Variants in PLCB1 observed in about 807,000 individuals in gnomAD.
The protein encoded by PLCB1 is 1-phosphatidylinositol 4,5-bisphosphate phosphodiesterase beta-1.
PLCB1 carries 46 observed loss-of-function variants against 161.8 expected under a neutral mutation model. The ratio of observed to expected loss-of-function variants is 0.28; its 90% confidence interval spans 0.22 to 0.36. The LOEUF (loss-of-function observed/expected upper bound fraction) is 0.36. Ranked by LOEUF, PLCB1 falls within the 10% of genes least tolerant of loss-of-function variation. The probability of loss-of-function intolerance (pLI) is 1.00; values close to 1 mark genes in which losing one functional copy is unlikely to be tolerated. For synonymous variants in PLCB1, 517 were observed against 503.7 expected (o/e 1.03, Z -0.35); for missense variants, 1,016 against 1,472.5 (o/e 0.69, Z 5.07).
At chr20:8,195,687 T>C (rs6055628) in intron 2 of PLCB1, among the ~76,000 whole-genome samples, 57,204 of 152,066 alleles carry the variant, frequency 0.38, 13,591 homozygotes, top group African/African-American at 0.68. Context: ...ATTTAATTGT[T>C]GTGACGTTAT....
chr20:8,397,313 A>T (rs1312162000), intron 3 of PLCB1, among the ~76,000 whole-genome samples: 2 of 152,004 alleles, frequency 1.3e-5, no homozygotes, highest in East Asian at 3.9e-4. Flanking sequence ...TATTAAAATT[A>T]TTTTCTATAG....
At chr20:8,218,658 G>A (rs1370474357) in intron 2 of PLCB1, among the ~76,000 whole-genome samples, 1 of 151,662 alleles carries the variant, frequency 6.6e-6, no homozygotes, top group Non-Finnish European at 1.5e-5. Flanking sequence ...TAGGCCCTTA[G>A]ACAAAATCTA....
intron 2 of PLCB1, among the ~76,000 whole-genome samples, chr20:8,264,588 T>A (rs1255487880): frequency 2.0e-5 from 3 of 152,182 alleles, no homozygotes; most frequent in Admixed American, 2.0e-4. Context: ...AGTGATGTGT[T>A]GCTCTGCAAC....
intron 2 of PLCB1, among the ~76,000 whole-genome samples, chr20:8,295,895 T>C (rs1983604347): frequency 6.6e-6 from 1 of 151,924 alleles, no homozygotes; most frequent in African/African-American, 2.4e-5. Context: ...TATTTTTTTG[T>C]AGAAATGGGG....
At chr20:8,256,137 T>A (rs1981400219) in intron 2 of PLCB1, among the ~76,000 whole-genome samples, 1 of 152,086 alleles carries the variant, frequency 6.6e-6, no homozygotes, top group South Asian at 2.1e-4. Flanking sequence ...TCAGAAATTA[T>A]CCCCCTCATT....
intron 31 of PLCB1, among the ~76,000 whole-genome samples, chr20:8,800,789 T>C (rs973832245): frequency 6.6e-6 from 1 of 152,266 alleles, no homozygotes; most frequent in Admixed American, 6.5e-5. Context: ...TCTTATTGGG[T>C]CTGTGTTTTA....
chr20:8,594,063 G>C (rs926138190), intron 3 of PLCB1, among the ~76,000 whole-genome samples: 1 of 151,900 alleles, frequency 6.6e-6, no homozygotes, highest in Non-Finnish European at 1.5e-5. Flanking sequence ...TTAATTTTTT[G>C]TTATAGACAG....
Position 8,737,063 on chromosome 20 carries a change from T to G in PLCB1, c.2079T>G (p.Val693=). ...ISGQFLSDKK[V]GTYVEVDMFG... The stretch of plus-strand genomic sequence containing the variant: ...GTCAGTTTCTTTCTGATAAGAAAGT[T>G]GGGACTTACGTGGAAGTAGATATGT... Residue 693 remains valine, a synonymous_variant, in exon 20 of 32, where the codon GTT becomes GTG. Transcript: ENST00000338037. 1 of 1,613,578 alleles carries G rather than the reference T, an allele frequency of 6.2e-7. No individual in the cohort carries two copies. Among genetic ancestry groups the G allele is most frequent in the Non-Finnish European group, 8.5e-7 (1 of 1,179,616 alleles).
At chr20:8,286,968 A>C (rs910594712) in intron 2 of PLCB1, among the ~76,000 whole-genome samples, 1 of 152,152 alleles carries the variant, frequency 6.6e-6, no homozygotes, top group African/African-American at 2.4e-5. Flanking sequence ...GTATATAGTA[A>C]GACCAGCCAA....
chr20:8,769,685 A>G (rs1165461444), intron 26 of PLCB1, among the ~76,000 whole-genome samples: 1 of 152,220 alleles, frequency 6.6e-6, no homozygotes, highest in East Asian at 1.9e-4. Context: ...AATAATTGCC[A>G]CTGAGAAATA....
At chr20:8,856,609 T>C (rs561738230) in intron 31 of PLCB1, among the ~76,000 whole-genome samples, 1 of 152,130 alleles carries the variant, frequency 6.6e-6, no homozygotes, top group Non-Finnish European at 1.5e-5. Flanking sequence ...AGAGCAAGAC[T>C]GTGTCTCAAA....
chr20:8,378,184 A>G (rs1987152200), intron 3 of PLCB1, among the ~76,000 whole-genome samples: 1 of 152,214 alleles, frequency 6.6e-6, no homozygotes, highest in Non-Finnish European at 1.5e-5. Flanking sequence ...CTAAAACAGA[A>G]TGAAATTTTG....
At chr20:8,789,727 A>G in intron 30 of PLCB1, 152 bp downstream of exon 30, 2 of 625,602 alleles carry the variant, frequency 3.2e-6, no homozygotes, top group Non-Finnish European at 2.9e-6. Context: ...GCACTCCTTA[A>G]TCAACATTTC....
At chr20:8,671,772 T>A (rs1252115984) in intron 9 of PLCB1, among the ~76,000 whole-genome samples, 1 of 152,124 alleles carries the variant, frequency 6.6e-6, no homozygotes, top group Non-Finnish European at 1.5e-5. Context: ...AGGCCAGTGT[T>A]AGGAAAGTTA....
chr20:8,133,591 T>G (rs2122994457), intron 1 of PLCB1, among the ~76,000 whole-genome samples: 1 of 152,288 alleles, frequency 6.6e-6, no homozygotes, highest in South Asian at 2.1e-4. Flanking sequence ...TTCAAATGAC[T>G]TCCCCTTCCC....
At chr20:8,653,357 T>G (rs1457378486) in intron 7 of PLCB1, 1 of 152,022 alleles carries the variant, frequency 6.6e-6, no homozygotes, top group African/African-American at 2.4e-5. Context: ...TGAATATAAA[T>G]CAGAAGCAAT....
chr20:8,389,017 G>T (rs1310896468), intron 3 of PLCB1, among the ~76,000 whole-genome samples: 1 of 151,930 alleles, frequency 6.6e-6, no homozygotes, highest in Non-Finnish European at 1.5e-5. Flanking sequence ...TTTTCTCCCT[G>T]CCCCTTACCA....
intron 2 of PLCB1, among the ~76,000 whole-genome samples, chr20:8,370,390 C>T (rs1009726464): frequency 6.6e-6 from 1 of 152,198 alleles, no homozygotes; most frequent in African/African-American, 2.4e-5. Context: ...TGTCCTCCCA[C>T]GTGAATCCGC....
chr20:8,458,918 A>C (rs1981447915), intron 3 of PLCB1, among the ~76,000 whole-genome samples: 2 of 152,238 alleles, frequency 1.3e-5, no homozygotes, highest in South Asian at 4.1e-4. Context: ...TACACTTTGA[A>C]ATGTTCAAAT....
Sources: allele counts gnomAD v4.1 joint callset (sites outside exome capture counted in the v4.1 genomes callset), GRCh38; gene constraint gnomAD v4.1.1; transcripts MANE v1.5; gene names NCBI Gene and HGNC (gene_info 2026-07-23, HGNC 2026-07-21).